FBXO34: variants seen among roughly 807,000 people sequenced by gnomAD.
FBXO34 encodes F-box protein 34, also known as F-box only protein 34.
FBXO34 carries 12 observed loss-of-function variants against 24.5 expected under a neutral mutation model. The ratio of observed to expected loss-of-function variants is 0.49; its 90% CI spans 0.31 to 0.79. The LOEUF (loss-of-function observed/expected upper bound fraction) is 0.79, where lower values mean the gene tolerates loss of function less well. Ranked by LOEUF, FBXO34 falls within the 30% of genes least tolerant of loss-of-function variation. The pLI is 0.04. For synonymous variants in FBXO34, 320 were observed against 311.9 expected (o/e 1.03, Z -0.27); for missense variants, 823 against 857.7 (o/e 0.96, Z 0.51).
intron 3 of FBXO34, among the ~76,000 whole-genome samples, chr14:55,359,323 C>T (rs1487210899): frequency 6.6e-6 from 1 of 152,190 alleles, no homozygotes; most frequent in Non-Finnish European, 1.5e-5. Context: ...CCTAAATGCA[C>T]ACCTGGGAAG....
chr14:55,299,960 G>A (rs183506512), intron 1 of FBXO34, among the ~76,000 whole-genome samples: 1 of 152,244 alleles, frequency 6.6e-6, no homozygotes, highest in East Asian at 1.9e-4. Flanking sequence ...TCCCCCTCCT[G>A]AATTATTCTC....
At chr14:55,436,979 C>A in the FBXO34 span, 6 of 1,614,074 alleles carry the variant, frequency 3.7e-6, no homozygotes, top group South Asian at 1.1e-5. Context: ...TAAGGTACAA[C>A]TGGGCTGAAC....
At chr14:55,287,136 C>A (rs563909794) in intron 1 of FBXO34, among the ~76,000 whole-genome samples, 2 of 152,154 alleles carry the variant, frequency 1.3e-5, no homozygotes, top group South Asian at 4.2e-4. Context: ...GAACTCCTGA[C>A]CTCAGGTGAT....
rs1354126088 is a variant in FBXO34 at position 55,318,705 on chromosome 14, A to G, written c.-10-31676A>G. On this transcript the variant is annotated intron_variant, in intron 1 of 1. Transcript: ENST00000313833. ...ATTTTTTATATGGATGTATGAGGAG[A>G]TAAGAAAACACACAAAATAGTTTCA... 2.0e-5 allele frequency among the ~76,000 whole-genome samples: 3 copies of G among 151,944 alleles called. No individual in the cohort carries two copies. The East Asian group carries it at 5.8e-4, about 29-fold the overall frequency.
At chr14:55,329,358 A>G (rs999306745) in intron 1 of FBXO34, among the ~76,000 whole-genome samples, 1 of 152,174 alleles carries the variant, frequency 6.6e-6, no homozygotes, top group African/African-American at 2.4e-5. Context: ...TAGAAGGAAC[A>G]TACTGCAGTA....
the FBXO34 span, chr14:55,397,262 C>T: frequency 1.0e-6 from 1 of 956,648 alleles, no homozygotes; most frequent in Non-Finnish European, 1.7e-6. Flanking sequence ...GAGGTTGTAT[C>T]CTAAATTCAG....
the FBXO34 span, among the ~76,000 whole-genome samples, chr14:55,401,545 A>T: frequency 6.6e-6 from 1 of 152,138 alleles, no homozygotes; most frequent in Non-Finnish European, 1.5e-5. Context: ...TTATTCACTA[A>T]ATTATTCCAT....
At chr14:55,316,225 G>A (rs1244590548) in intron 1 of FBXO34, among the ~76,000 whole-genome samples, 1 of 151,938 alleles carries the variant, frequency 6.6e-6, no homozygotes, top group Non-Finnish European at 1.5e-5. Context: ...ATCAGGAATT[G>A]ACTACATAAT....
chr14:55,304,367 A>AT (rs1181889680), intron 1 of FBXO34, among the ~76,000 whole-genome samples: 2 of 151,636 alleles, frequency 1.3e-5, no homozygotes, highest in East Asian at 1.9e-4. Flanking sequence ...AATTTTTAAG[A>AT]TTTTTTTGTA....
At chr14:55,302,515 A>C (rs867687767) in intron 1 of FBXO34, among the ~76,000 whole-genome samples, 1 of 134,408 alleles carries the variant, frequency 7.4e-6, no homozygotes, top group Admixed American at 7.3e-5. Context: ...GGTGTGGAAC[A>C]CCTGGCCTCA....
the FBXO34 span, among the ~76,000 whole-genome samples, chr14:55,439,614 A>ACCCCCCCCCCCC: frequency 1.2e-5 from 1 of 84,510 alleles, no homozygotes; most frequent in Non-Finnish European, 2.5e-5. Flanking sequence ...AGAAAAGCAA[A>ACCCCCCCCCCCC]CCCCCCCCCG....
intron 3 of FBXO34, chr14:55,361,696 A>G (rs1277673088): frequency 6.6e-6 from 1 of 152,200 alleles, no homozygotes; most frequent in Non-Finnish European, 1.5e-5. Flanking sequence ...GATCTTCTGG[A>G]TAACTTACTG....
chr14:55,282,488 G>C, intron 1 of FBXO34: 1 of 239,888 alleles, frequency 4.2e-6, no homozygotes, highest in Admixed American at 3.9e-5. Flanking sequence ...CAAACCCCTC[G>C]AAGTCTGTCT....
the FBXO34 span, among the ~76,000 whole-genome samples, chr14:55,402,953 ATATATATATATATAT>A: frequency 1.7e-3 from 132 of 77,270 alleles, 1 homozygote; most frequent in South Asian, 8.3e-3. Flanking sequence ...ATATATATAT[ATATATATATATATAT>A]AAATAGCTGG....
chr14:55,411,692 G>A, the FBXO34 span: 3 of 1,613,122 alleles, frequency 1.9e-6, no homozygotes, highest in Non-Finnish European at 2.5e-6. Flanking sequence ...GTTGCACAGC[G>A]GGCAGCGCTC....
chr14:55,353,720 AGT>A (rs1391165580), downstream of FBXO34: 1 of 164,556 alleles, frequency 6.1e-6, no homozygotes, highest in Non-Finnish European at 1.5e-5. Flanking sequence ...TTGGAGATAA[AGT>A]GTTTTTTTCT....
the FBXO34 span, among the ~76,000 whole-genome samples, chr14:55,386,863 A>T: frequency 6.6e-6 from 1 of 152,218 alleles, no homozygotes; most frequent in Non-Finnish European, 1.5e-5. Flanking sequence ...TCAGACAGAT[A>T]TCTAGGAGTT....
At chr14:55,275,419 C>T (rs1301576994) in intron 1 of FBXO34, among the ~76,000 whole-genome samples, 2 of 152,106 alleles carry the variant, frequency 1.3e-5, no homozygotes, top group African/African-American at 4.8e-5. Flanking sequence ...GGGACTGTGA[C>T]ACAGAGATGA....
At chr14:55,360,852 G>C (rs1055332397) in intron 3 of FBXO34, among the ~76,000 whole-genome samples, 1 of 152,020 alleles carries the variant, frequency 6.6e-6, no homozygotes, top group African/African-American at 2.4e-5. Flanking sequence ...GCAAAAATTA[G>C]CTGGGCATGG....
Sources: allele counts gnomAD v4.1 joint callset (sites outside exome capture counted in the v4.1 genomes callset), GRCh38; gene constraint gnomAD v4.1.1; transcripts MANE v1.5; gene names NCBI Gene and HGNC (gene_info 2026-07-23, HGNC 2026-07-21).